Variants in C14orf39 observed in about 807,000 individuals in gnomAD.
C14orf39 encodes protein SIX6OS1.
C14orf39 carries 66 observed loss-of-function variants against 85.6 expected under a neutral mutation model. The ratio of observed to expected loss-of-function variants is 0.77; its 90% CI spans 0.63 to 0.95. The LOEUF is 0.95. Ranked by LOEUF, C14orf39 falls within the 40% of genes least tolerant of loss-of-function variation. C14orf39 has a pLI of 0.00. For missense variants in C14orf39, 735 were observed against 663.9 expected (o/e 1.11, Z -1.18); for synonymous variants, 242 against 214.0 (o/e 1.13, Z -1.14).
Position 60,436,826 on chromosome 14 carries a change from T to A in C14orf39, c.*19A>T, listed in dbSNP as rs762075250. The A allele has an allele frequency of 7.2e-5, 110 of 1,533,642 alleles. No homozygotes were observed. The highest frequency in any genetic ancestry group is 9.4e-5 in the Non-Finnish European group (105 of 1,116,538). On this transcript the variant is annotated 3_prime_UTR_variant, in exon 18 of 18. Coordinates refer to ENST00000321731, the MANE Select transcript of C14orf39 (RefSeq NM_174978.3). ...ATGAACACAGAACAGTAAAATAATT[T>A]AAGGAATTAATGACTAGCTCAAAAA...
At chr14:60,437,681 T>C (rs1461430460) in intron 17 of C14orf39, among the ~76,000 whole-genome samples, 2 of 151,978 alleles carry the variant, frequency 1.3e-5, no homozygotes, top group African/African-American at 2.4e-5. Flanking sequence ...TAATGAAATG[T>C]TGACCTTAGG....
At chr14:60,510,993 C>A in intron 1 of C14orf39, 1 of 1,363,954 alleles carries the variant, frequency 7.3e-7, no homozygotes, top group Non-Finnish European at 1.0e-6. Context: ...AACCTCTAGC[C>A]GCCGGGCTGG....
At chr14:60,479,540 T>C (rs1892541690) in intron 4 of C14orf39, among the ~76,000 whole-genome samples, 1 of 152,112 alleles carries the variant, frequency 6.6e-6, no homozygotes, top group African/African-American at 2.4e-5. Flanking sequence ...GAATCTAAAA[T>C]AAAAATTGGA....
intron 4 of C14orf39, among the ~76,000 whole-genome samples, chr14:60,479,011 G>C (rs1448850300): frequency 6.6e-6 from 1 of 151,984 alleles, no homozygotes; most frequent in Non-Finnish European, 1.5e-5. Flanking sequence ...GGCTTCCAGT[G>C]TAAGTATTTT....
intron 16 of C14orf39, among the ~76,000 whole-genome samples, chr14:60,452,736 C>T (rs1413431640): frequency 6.6e-6 from 1 of 151,940 alleles, no homozygotes; most frequent in East Asian, 1.9e-4. Flanking sequence ...CATTGCATGC[C>T]TGTATCAAAA....
chr14:60,470,639 G>A (rs540127387), intron 7 of C14orf39, among the ~76,000 whole-genome samples: 31 of 151,692 alleles, frequency 2.0e-4, no homozygotes, highest in Non-Finnish European at 3.8e-4. Context: ...AAGTTAAAGC[G>A]CAAATGGGCA....
chr14:60,488,875 ACT>A (rs922345652), upstream of C14orf39, among the ~76,000 whole-genome samples: 3 of 151,200 alleles, frequency 2.0e-5, no homozygotes, highest in East Asian at 3.9e-4. Context: ...TTCCATTTAA[ACT>A]CTCTGCAATC....
At position 60,484,436 on chromosome 14, in the gene C14orf39, T is replaced by C. The variant is rs1892788997; in HGVS notation, c.106+445A>G. 6.6e-6 allele frequency among the ~76,000 whole-genome samples: 1 copy of C among 152,202 alleles called. No individual in the cohort carries two copies. Among genetic ancestry groups the C allele is most frequent in the South Asian group, 2.1e-4 (1 of 4,836 alleles). ...GTTGTTTTGTTGGATCTTAAAATAC[T>C]ATACAGTATTTGTGTGATTTGCCTT... On this transcript the variant is annotated intron_variant, in intron 3 of 17. Transcript: ENST00000321731. The surrounding 1 kb of genome is among the most constrained non-coding windows in gnomAD (Gnocchi z 4.2).
intron 4 of C14orf39, among the ~76,000 whole-genome samples, chr14:60,479,203 CATT>C (rs1054206076): frequency 3.9e-5 from 6 of 152,116 alleles, no homozygotes; most frequent in Admixed American, 1.3e-4. Context: ...ATTTTAACAT[CATT>C]GAGAGCTTAT....
upstream of C14orf39, among the ~76,000 whole-genome samples, chr14:60,487,594 A>C (rs530822554): frequency 6.6e-6 from 1 of 152,262 alleles, no homozygotes; most frequent in Non-Finnish European, 1.5e-5. Flanking sequence ...TGAACATGAG[A>C]GCACAGACAT....
In C14orf39 at chr14:60,482,699, A is replaced by C. The variant is rs561611939; in HGVS notation, c.233+992T>G. Reference sequence around the variant, plus strand: ...TAACCTAAATTTCCATTAATAGGGGAATGGCTAAATAACAGGCTACATCAA... The same window carrying C: ...TAACCTAAATTTCCATTAATAGGGGCATGGCTAAATAACAGGCTACATCAA... On this transcript the variant is annotated intron_variant, in intron 4 of 17. Transcript: ENST00000321731. Among the ~76,000 whole-genome samples, 4 of 152,320 alleles carry C rather than the reference A, an allele frequency of 2.6e-5. No individual in the cohort carries two copies. In the South Asian group the frequency reaches 8.3e-4, roughly 32 times the overall value.
rs1362449850 is a variant in C14orf39 at position 60,461,628 on chromosome 14, C to T, written c.973-35G>A. 7 of 1,397,690 alleles carry T rather than the reference C, an allele frequency of 5.0e-6. No individual in the cohort carries two copies. In the East Asian group the frequency reaches 1.6e-4, roughly 33 times the overall value. The allele number at this position is 1,397,690 out of a possible 1,614,324, so 86.6% of individuals were successfully genotyped here. ...AGAAATTAAGCATCTGACTTGGCTA[C>T]ACAAAGCAATAAAAATTTTTTGCTT... On this transcript the variant is annotated intron_variant, in intron 11 of 17. Transcript: ENST00000321731.
rs1213792967 is a variant in C14orf39 at position 60,509,576 on chromosome 14, G to C, written c.-144+5819C>G. On this transcript the variant is annotated intron_variant, in intron 1 of 5. Coordinates refer to the C14orf39 transcript ENST00000556799. ...GTCGGTGCTACGCGCACGAGCCATC[G>C]TGGCCTTTCACGGTGGCAACTACCG... The C allele has an allele frequency of 1.2e-6, 2 of 1,612,808 alleles. No individual in the cohort carries two copies. The highest frequency in any genetic ancestry group is 1.7e-6 in the Non-Finnish European group (2 of 1,180,042).
chr14:60,510,985 C>A, intron 1 of C14orf39: 1 of 1,291,456 alleles, frequency 7.7e-7, no homozygotes, highest in Non-Finnish European at 1.1e-6. Flanking sequence ...TTCGGAAGAA[C>A]CTCTAGCCGC....
chr14:60,439,534 T>TC, intron 17 of C14orf39, among the ~76,000 whole-genome samples: 1 of 152,272 alleles, frequency 6.6e-6, no homozygotes, highest in Admixed American at 6.5e-5. Context: ...GTTACCATGC[T>TC]CCAAACCTTA....
chr14:60,475,516 AAAG>A (rs1343093719), intron 5 of C14orf39, among the ~76,000 whole-genome samples: 2 of 152,186 alleles, frequency 1.3e-5, no homozygotes, highest in African/African-American at 4.8e-5. Flanking sequence ...GAAAAAATCA[AAAG>A]AATATTCCAT....
intron 16 of C14orf39, 136 bp from the exon 17 acceptor site, chr14:60,442,267 C>T (rs1890555912): frequency 2.1e-6 from 1 of 485,978 alleles, no homozygotes; most frequent in Non-Finnish European, 3.7e-6. Context: ...ATATAGCACA[C>T]TCTTATACTT....
chr14:60,510,895 G>C (rs1037256193), intron 1 of C14orf39, among the ~76,000 whole-genome samples: 6 of 152,264 alleles, frequency 3.9e-5, no homozygotes, highest in Admixed American at 2.0e-4. Flanking sequence ...CAACAGTAGG[G>C]ACCCGCGGAG....
At chr14:60,443,098 C>T (rs926169225) in intron 16 of C14orf39, among the ~76,000 whole-genome samples, 3 of 152,064 alleles carry the variant, frequency 2.0e-5, no homozygotes, top group Admixed American at 6.5e-5. Flanking sequence ...CAGCTCCCAG[C>T]GAGATCTACA....
Sources: gnomAD v4.1 joint callset for allele counts (sites outside exome capture counted in the v4.1 genomes callset) on GRCh38, gnomAD v4.1.1 for gene constraint, Gnocchi (gnomAD v3.1) non-coding constraint, MANE v1.5 for transcripts, NCBI Gene and HGNC (gene_info 2026-07-23, HGNC 2026-07-21) for gene names.